Variants in FAIM2 observed in about 807,000 individuals in gnomAD.
FAIM2 encodes the protein protein lifeguard 2.
A neutral mutation model predicts 47.4 loss-of-function variants in FAIM2; 27 were observed. The ratio of observed to expected loss-of-function variants is 0.57; its 90% confidence interval spans 0.42 to 0.78. The LOEUF is 0.78. FAIM2 is among the 30% of genes least tolerant of loss of function. The pLI, the probability that FAIM2 is intolerant of heterozygous loss-of-function variation, is 0.00. For missense variants in FAIM2, 311 were observed against 389.4 expected, an observed-to-expected ratio of 0.80 and a Z score of 1.69; for synonymous variants, 156 against 159.3, an observed-to-expected ratio of 0.98 and a Z score of 0.16.
Position 49,874,216 on chromosome 12 carries a change from G to C in FAIM2, c.802-3563C>G, listed in dbSNP as rs1013606120. 8.9e-4 allele frequency among the ~76,000 whole-genome samples: 135 copies of C among 152,324 alleles called. No individual in the cohort carries two copies. The highest frequency in any genetic ancestry group is 3.1e-3 in the African/African-American group (127 of 41,572). On this transcript the variant is annotated intron_variant, in intron 11 of 11. Transcript: ENST00000320634. The surrounding 1 kb of genome is among the most constrained non-coding windows in gnomAD (Gnocchi z 4.2). The stretch of plus-strand genomic sequence containing the variant: ...CAGGAGGAGCACATGGGATGGGGCA[G>C]GAGGCCCCCTGGGACAAGGACGCTA...
In FAIM2 at chr12:49,886,497, A is replaced by G. The variant is rs189841322; in HGVS notation, c.801+889T>C. On this transcript the variant is annotated intron_variant, in intron 11 of 11. Transcript: ENST00000320634. ...ATTTATTATTATTATTATTTTTGAG[A>G]CGGAGTCTCACTCTGTTGCCCAGGC... 6.8e-4 allele frequency among the ~76,000 whole-genome samples: 103 copies of G among 152,082 alleles called. 1 individual carries two copies. Among genetic ancestry groups the G allele is most frequent in the Admixed American group, 3.9e-3 (60 of 15,280 alleles).
Position 49,868,649 on chromosome 12 carries a change from A to G in FAIM2, c.*1855T>C, listed in dbSNP as rs1946680077. 1 of 152,248 alleles carries G rather than the reference A, an allele frequency of 6.6e-6. No homozygotes were observed. Among genetic ancestry groups the G allele is most frequent in the South Asian group, 2.1e-4 (1 of 4,830 alleles). The allele number at this position is 152,248 out of a possible 1,614,324, so 9.4% of individuals were successfully genotyped here. On this transcript the variant is annotated 3_prime_UTR_variant, in exon 12 of 12. Transcript: ENST00000320634. ...TTTGCTTGAGGCAGCTGTGGGTCTG[A>G]ACCCCAGGCCCGCCACTCGCTAGCC...
At chr12:49,880,508 G>A (rs1448016988) in intron 11 of FAIM2, among the ~76,000 whole-genome samples, 1 of 147,214 alleles carries the variant, frequency 6.8e-6, no homozygotes, top group Non-Finnish European at 1.5e-5. Flanking sequence ...GTGTGTATGA[G>A]TGTGTATGTG....
At chr12:49,878,966 GTA>G (rs1565613670) in intron 11 of FAIM2, among the ~76,000 whole-genome samples, 3 of 136,508 alleles carry the variant, frequency 2.2e-5, no homozygotes, top group Non-Finnish European at 4.7e-5. Flanking sequence ...GTATATGTGC[GTA>G]TGTGTATATG....
In FAIM2 at chr12:49,901,338, G is replaced by A. The variant is rs765765300; in HGVS notation, c.16-13C>T. On this transcript the variant is annotated splice_polypyrimidine_tract_variant and intron_variant, in intron 1 of 11. Coordinates refer to ENST00000320634, the MANE Select transcript of FAIM2 (RefSeq NM_012306.4). ...TAGCCACGGAGAGCTATGGAGTAGAGTCAGAGAGAGAGATAGTCACCAGGG... is the reference window on the plus strand; with the variant it reads ...TAGCCACGGAGAGCTATGGAGTAGAATCAGAGAGAGAGATAGTCACCAGGG... 6.6e-7 allele frequency: 1 copy of A among 1,520,558 alleles called. No homozygotes were observed. Among genetic ancestry groups the A allele is most frequent in the South Asian group, 1.3e-5 (1 of 79,164 alleles). The allele number at this position is 1,520,558 out of a possible 1,614,324, so 94.2% of individuals were successfully genotyped here.
At chr12:49,878,790 C>G (rs1198352498) in intron 11 of FAIM2, among the ~76,000 whole-genome samples, 1 of 37,960 alleles carries the variant, frequency 2.6e-5, no homozygotes, top group Non-Finnish European at 4.5e-5. Context: ...GTATGTGTGC[C>G]TGTGTGTATA....
intron 2 of FAIM2, among the ~76,000 whole-genome samples, chr12:49,898,619 C>T (rs1946958528): frequency 6.6e-6 from 1 of 152,162 alleles, no homozygotes; most frequent in Non-Finnish European, 1.5e-5. Flanking sequence ...TCGACTTCCC[C>T]TGGCTCAGGC....
At chr12:49,898,114 G>C in intron 2 of FAIM2, 24 bp from the exon 3 acceptor site, 185 of 1,538,762 alleles carry the variant, frequency 1.2e-4, no homozygotes, top group Non-Finnish European at 1.5e-4. Flanking sequence ...GGAGGAGGAG[G>C]ACATGAGGGT....
chr12:49,891,021 C>T (rs1387460249), intron 6 of FAIM2, 43 bp downstream of exon 6: 2 of 1,597,956 alleles, frequency 1.3e-6, no homozygotes, highest in East Asian at 2.2e-5. Context: ...TTTCATGATC[C>T]TGCTCATATT....
chr12:49,879,303 T>C (rs1035424821), intron 11 of FAIM2, among the ~76,000 whole-genome samples: 1 of 118,212 alleles, frequency 8.5e-6, no homozygotes, highest in Non-Finnish European at 1.7e-5. Context: ...GGTATGTGTA[T>C]GCATGTGCAT....
intron 11 of FAIM2, among the ~76,000 whole-genome samples, chr12:49,873,159 A>G (rs1946714591): frequency 6.6e-6 from 1 of 151,972 alleles, no homozygotes; most frequent in Non-Finnish European, 1.5e-5. Context: ...GCACTGAGGG[A>G]AGGGCACTCC....
chr12:49,885,080 G>C (rs1405418782), intron 11 of FAIM2, among the ~76,000 whole-genome samples: 2 of 152,260 alleles, frequency 1.3e-5, no homozygotes, highest in Admixed American at 6.5e-5. Flanking sequence ...CCAGACTGTG[G>C]TGGAGATGCG....
intron 11 of FAIM2, among the ~76,000 whole-genome samples, chr12:49,871,278 C>G (rs964839678): frequency 6.6e-6 from 1 of 152,232 alleles, no homozygotes; most frequent in Non-Finnish European, 1.5e-5. Context: ...AGATTTCAAC[C>G]TGAGCAGGCC....
chr12:49,878,370 G>GCATGTGCATGTGTGTATATGTGGA (rs1946758904), intron 11 of FAIM2, among the ~76,000 whole-genome samples: 1 of 122,994 alleles, frequency 8.1e-6, no homozygotes, highest in Non-Finnish European at 1.6e-5. Context: ...GTATATGTGG[G>GCATGTGCATGTGTGTATATGTGGA]CATGTGCATG....
intron 5 of FAIM2, among the ~76,000 whole-genome samples, chr12:49,895,994 C>T (rs1466350481): frequency 6.6e-6 from 1 of 152,244 alleles, no homozygotes; most frequent in African/African-American, 2.4e-5. Flanking sequence ...TCTCGCCCCA[C>T]GCTTTTGCTT....
intron 1 of FAIM2, 82 bp from the exon 2 acceptor site, chr12:49,901,407 C>A (rs748519115): frequency 9.8e-6 from 11 of 1,126,638 alleles, no homozygotes; most frequent in Non-Finnish European, 1.3e-5. Flanking sequence ...CTCTTCAATT[C>A]CTGGAACTTT....
At chr12:49,889,831 G>C (rs529880460) in intron 8 of FAIM2, among the ~76,000 whole-genome samples, 2 of 152,282 alleles carry the variant, frequency 1.3e-5, no homozygotes, top group Admixed American at 6.5e-5. Context: ...GCCGGGCCTG[G>C]AGGTGGTTTA....
chr12:49,880,627 T>C (rs908885654), intron 11 of FAIM2, among the ~76,000 whole-genome samples: 2 of 62,116 alleles, frequency 3.2e-5, no homozygotes, highest in Admixed American at 1.8e-4. Flanking sequence ...TATGTGCATG[T>C]GTGTATATAT....
intron 11 of FAIM2, among the ~76,000 whole-genome samples, chr12:49,886,032 C>T (rs1001724301): frequency 1.6e-4 from 24 of 152,194 alleles, no homozygotes; most frequent in African/African-American, 5.5e-4. Context: ...CTCAGCCTGT[C>T]GCCCACAAGC....
Sources: gnomAD v4.1 joint callset for allele counts (sites outside exome capture counted in the v4.1 genomes callset) on GRCh38, gnomAD v4.1.1 for gene constraint, Gnocchi (gnomAD v3.1) non-coding constraint, MANE v1.5 for transcripts, NCBI Gene and HGNC (gene_info 2026-07-23, HGNC 2026-07-21) for gene names.